HNF4A: variants seen among roughly 807,000 people sequenced by gnomAD.
HNF4A encodes hepatocyte nuclear factor 4 alpha.
Under a neutral mutation model 52.4 loss-of-function variants are expected in HNF4A, and 15 were observed. The observed-to-expected ratio is 0.29, with a 90% CI of 0.19 to 0.44. The LOEUF is 0.44. Ranked by LOEUF, HNF4A falls within the 20% of genes least tolerant of loss-of-function variation. HNF4A has a pLI of 1.00. For missense variants in HNF4A, 479 were observed against 647.2 expected (o/e 0.74, Z 2.82); for synonymous variants, 280 against 264.4 (o/e 1.06, Z -0.57).
chr20:44,369,651 G>A (rs1245538935), intron 1 of HNF4A, among the ~76,000 whole-genome samples: 2 of 151,988 alleles, frequency 1.3e-5, no homozygotes, highest in Non-Finnish European at 2.9e-5. Flanking sequence ...TACAACCTGA[G>A]CTCTTTTTCT....
intron 7 of HNF4A, among the ~76,000 whole-genome samples, chr20:44,423,614 A>G (rs975789609): frequency 1.3e-5 from 2 of 152,210 alleles, no homozygotes; most frequent in Non-Finnish European, 2.9e-5. Context: ...GGGGACCTCA[A>G]CTGTGGCCCA....
intron 1 of HNF4A, among the ~76,000 whole-genome samples, chr20:44,385,493 G>T (rs184402084): frequency 9.7e-4 from 148 of 152,116 alleles, no homozygotes; most frequent in African/African-American, 3.3e-3. Flanking sequence ...TTAATTTATG[G>T]ACTCTCACTC....
At chr20:44,363,926 G>C (rs1197034913) in intron 1 of HNF4A, among the ~76,000 whole-genome samples, 1 of 152,042 alleles carries the variant, frequency 6.6e-6, no homozygotes, top group Admixed American at 6.6e-5. Context: ...CTGGCCTCTT[G>C]TGATCCTCCC....
intron 1 of HNF4A, among the ~76,000 whole-genome samples, chr20:44,383,440 A>G (rs1201073080): frequency 6.6e-6 from 1 of 152,192 alleles, no homozygotes; most frequent in African/African-American, 2.4e-5. Flanking sequence ...CAGGATGTCA[A>G]GTTCCAGAAT....
At chr20:44,393,187 T>C (rs901491179) in intron 1 of HNF4A, among the ~76,000 whole-genome samples, 2 of 152,126 alleles carry the variant, frequency 1.3e-5, no homozygotes, top group Admixed American at 6.5e-5. Flanking sequence ...GAAGGCCGCA[T>C]CTAATTCCCA....
intron 1 of HNF4A, among the ~76,000 whole-genome samples, chr20:44,373,687 T>A (rs1229710467): frequency 6.6e-5 from 10 of 152,128 alleles, no homozygotes; most frequent in South Asian, 2.1e-4. Context: ...CTTTTTTTTT[T>A]AAATTAAACT....
intron 1 of HNF4A, among the ~76,000 whole-genome samples, chr20:44,402,298 C>G (rs916322259): frequency 6.6e-6 from 1 of 152,020 alleles, no homozygotes; most frequent in Admixed American, 6.5e-5. Context: ...GCTGTGTGTG[C>G]GGGTCATAGA....
In HNF4A at chr20:44,401,364, G is replaced by A. The variant is rs1429040688; in HGVS notation, c.-9G>A. 4 of 1,614,054 alleles carry A rather than the reference G, an allele frequency of 2.5e-6. No homozygotes were observed. The highest frequency in any genetic ancestry group is 2.7e-5 in the African/African-American group (2 of 75,040). Reference sequence around the variant, plus strand: ...TAGGGCAGGTGGCCGCGGCGTGGAGGCAGGGAGAATGCGACTCTCCAAAAC... The same window carrying A: ...TAGGGCAGGTGGCCGCGGCGTGGAGACAGGGAGAATGCGACTCTCCAAAAC... On this transcript the variant is annotated 5_prime_UTR_variant, in exon 1 of 10. Transcript: ENST00000316099.
At chr20:44,381,242 C>T (rs1270298546) in intron 1 of HNF4A, among the ~76,000 whole-genome samples, 2 of 151,444 alleles carry the variant, frequency 1.3e-5, no homozygotes, top group Non-Finnish European at 1.5e-5. Flanking sequence ...CATTTTGGTC[C>T]TCGTTCATTC....
chr20:44,360,757 C>T (rs1206614194), intron 1 of HNF4A, among the ~76,000 whole-genome samples: 1 of 152,134 alleles, frequency 6.6e-6, no homozygotes, highest in Admixed American at 6.6e-5. Flanking sequence ...TCCCTTTGAC[C>T]AATAGCATCA....
At chr20:44,417,968 CAAAAA>C (rs544063850) in intron 5 of HNF4A, among the ~76,000 whole-genome samples, 1 of 74,416 alleles carries the variant, frequency 1.3e-5, no homozygotes. Flanking sequence ...GACTCTGTCT[CAAAAA>C]AAAAAAAAAA....
At position 44,429,620 on chromosome 20, in the gene HNF4A, C is replaced by G; in HGVS notation, c.1380C>G (p.Leu460=). 2 of 1,614,124 alleles carry G rather than the reference C, an allele frequency of 1.2e-6. No homozygotes were observed. Among genetic ancestry groups the G allele is most frequent in the Admixed American group, 1.7e-5 (1 of 60,026 alleles). ...CCGTCGCCACAATCGTCAAGCCCCTCTCTGCCATCCCCCAGCCGACCATCA... is the reference window on the plus strand; with the variant it reads ...CCGTCGCCACAATCGTCAAGCCCCTGTCTGCCATCCCCCAGCCGACCATCA... Residue 460 remains leucine (L), a synonymous_variant, in exon 10 of 10, where the codon CTC becomes CTG. Transcript: ENST00000316099.
At position 44,429,813 on chromosome 20, in the gene HNF4A, C is replaced by T; in HGVS notation, c.*148C>T. On this transcript the variant is annotated 3_prime_UTR_variant, in exon 10 of 10. Coordinates refer to ENST00000316099, the MANE Select transcript of HNF4A (RefSeq NM_000457.6). ...AAGGATGAAGGGCCCGAGAACATGGCCTAAGGGCCACATCCCACTGCCACC... is the reference window on the plus strand; with the variant it reads ...AAGGATGAAGGGCCCGAGAACATGGTCTAAGGGCCACATCCCACTGCCACC... 1 of 802,176 alleles carries T rather than the reference C, an allele frequency of 1.2e-6. No homozygotes were observed. Among genetic ancestry groups the T allele is most frequent in the Admixed American group, 2.5e-5 (1 of 40,492 alleles). 49.7% of individuals were successfully genotyped at this position (802,176 alleles called of 1,614,324 possible).
chr20:44,384,753 A>C (rs2063198682), intron 1 of HNF4A: 1 of 152,184 alleles, frequency 6.6e-6, no homozygotes, highest in South Asian at 2.1e-4. Context: ...AAAGGAGAGA[A>C]ATAGAATAGT....
chr20:44,422,204 G>C (rs1279600375), intron 7 of HNF4A, among the ~76,000 whole-genome samples: 1 of 152,122 alleles, frequency 6.6e-6, no homozygotes, highest in Non-Finnish European at 1.5e-5. Context: ...ACCAGAGGGT[G>C]AGATTTCTAG....
intron 1 of HNF4A, among the ~76,000 whole-genome samples, chr20:44,387,903 A>G (rs894615407): frequency 1.3e-5 from 2 of 152,098 alleles, no homozygotes; most frequent in Non-Finnish European, 2.9e-5. Context: ...GTGACTTGCA[A>G]GATGTTGGCT....
At chr20:44,371,534 A>G (rs2063034030) in intron 1 of HNF4A, among the ~76,000 whole-genome samples, 1 of 152,190 alleles carries the variant, frequency 6.6e-6, no homozygotes, top group African/African-American at 2.4e-5. Context: ...AAAAAATACA[A>G]AAATTAGAGG....
intron 1 of HNF4A, among the ~76,000 whole-genome samples, chr20:44,386,363 C>T (rs939292349): frequency 1.3e-5 from 2 of 151,932 alleles, no homozygotes; most frequent in Non-Finnish European, 2.9e-5. Context: ...GACGAGGTCT[C>T]ACCATGTTTG....
chr20:44,356,225 T>C (rs1269197077), intron 1 of HNF4A, among the ~76,000 whole-genome samples: 1 of 152,204 alleles, frequency 6.6e-6, no homozygotes, highest in African/African-American at 2.4e-5. Context: ...AGAGGCTTGC[T>C]GGGCCTAGGT....
Sources: gnomAD v4.1 joint callset for allele counts (sites outside exome capture counted in the v4.1 genomes callset) on GRCh38, gnomAD v4.1.1 for gene constraint, MANE v1.5 for transcripts, NCBI Gene and HGNC (gene_info 2026-07-23, HGNC 2026-07-21) for gene names.